ADGRD1: variants seen among roughly 807,000 people sequenced by gnomAD.
The protein encoded by ADGRD1 is adhesion G protein-coupled receptor D1.
ADGRD1 carries 77 observed loss-of-function variants against 113.4 expected under a neutral mutation model. The ratio of observed to expected loss-of-function variants is 0.68; its 90% CI spans 0.57 to 0.82. ADGRD1 has a LOEUF of 0.82. Ranked by LOEUF, ADGRD1 falls within the 40% of genes least tolerant of loss-of-function variation. The pLI is 0.00. For synonymous variants in ADGRD1, 474 were observed against 475.0 expected (o/e 1.00, Z 0.03); for missense variants, 1,036 against 1,139.1 (o/e 0.91, Z 1.30).
In ADGRD1 at chr12:130,984,342, C is replaced by T. The variant is rs764305893; in HGVS notation, c.490+2279C>T. ...TCGTGATGGGGCAGCCGCCCTTCCA[C>T]GCACTGCAGTCAGCACAGAAGCCAC... On this transcript the variant is annotated intron_variant, in intron 5 of 24. Transcript: ENST00000261654. This position sits in a 1 kb window ranked among gnomAD's most constrained non-coding sequence, Gnocchi z 4.1. Among the ~76,000 whole-genome samples, 9 of 152,198 alleles carry T rather than the reference C, an allele frequency of 5.9e-5. No homozygotes were observed. The highest frequency in any genetic ancestry group is 1.4e-4 in the African/African-American group (6 of 41,442).
Position 131,029,671 on chromosome 12 carries a change from C to G in ADGRD1, c.1473+15331C>G, listed in dbSNP as rs77454915. Among the ~76,000 whole-genome samples the G allele has an allele frequency of 9.6e-3, 1,344 of 139,622 alleles. 1 individual carries two copies. The highest frequency in any genetic ancestry group is 0.026 in the African/African-American group (886 of 34,194). The allele number at this position is 139,622 out of a possible 152,430, so 91.6% of individuals were successfully genotyped here. ...GGCTCTGGGGTTAGGTTATGGACCC[C>G]TCGTATGGTGACATTCCCAGGCTCT... On this transcript the variant is annotated intron_variant, in intron 13 of 24. Coordinates refer to ENST00000261654, the MANE Select transcript of ADGRD1 (RefSeq NM_198827.5).
chr12:130,979,814 GTCTCAC>G (rs773152945), intron 4 of ADGRD1, among the ~76,000 whole-genome samples: 1 of 36,030 alleles, frequency 2.8e-5, no homozygotes, highest in Non-Finnish European at 1.1e-4. Flanking sequence ...GGCAGCTAGT[GTCTCAC>G]ACACACACAC....
At chr12:130,986,820 G>A (rs1873746489) in intron 5 of ADGRD1, 1 of 415,976 alleles carries the variant, frequency 2.4e-6, no homozygotes, top group Non-Finnish European at 4.3e-6. Flanking sequence ...CTTGCTTGTG[G>A]GCATTTGAAT....
At chr12:130,961,729 A>G (rs1870382659) in intron 2 of ADGRD1, among the ~76,000 whole-genome samples, 1 of 152,154 alleles carries the variant, frequency 6.6e-6, no homozygotes. Context: ...CTTGAGTTGG[A>G]AAAGGAACCT....
chr12:131,018,443 G>A (rs1327498142), intron 13 of ADGRD1, among the ~76,000 whole-genome samples: 1 of 151,156 alleles, frequency 6.6e-6, no homozygotes, highest in Non-Finnish European at 1.5e-5. Flanking sequence ...CATCCCCGCG[G>A]TTTCCCACCG....
chr12:131,113,321 G>A lies in ADGRD1; in HGVS notation c.2041+4444G>A, dbSNP rs1173286235. On this transcript the variant is annotated intron_variant, in intron 18 of 24. Coordinates refer to ENST00000261654, the MANE Select transcript of ADGRD1 (RefSeq NM_198827.5). The surrounding 1 kb of genome is among the most constrained non-coding windows in gnomAD (Gnocchi z 4.9). ...GGGAGGGGTCTGCTGAGCGACTTGTGCTGTCATTCTAGAAGTCAGCTCCCC... is the reference window on the plus strand; with the variant it reads ...GGGAGGGGTCTGCTGAGCGACTTGTACTGTCATTCTAGAAGTCAGCTCCCC... 6.6e-6 allele frequency among the ~76,000 whole-genome samples: 1 copy of A among 151,798 alleles called. No individual in the cohort carries two copies. Among genetic ancestry groups the A allele is most frequent in the Non-Finnish European group, 1.5e-5 (1 of 68,000 alleles).
In ADGRD1 at chr12:131,084,343, C is replaced by T. The variant is rs1046099012; in HGVS notation, c.1548-197C>T. Among the ~76,000 whole-genome samples the T allele has an allele frequency of 2.0e-5, 3 of 152,182 alleles. No individual in the cohort carries two copies. Among genetic ancestry groups the T allele is most frequent in the Non-Finnish European group, 4.4e-5 (3 of 68,040 alleles). ...GGCCTGACCAGCAGCAGACACTCTC[C>T]AGCTCTCGCCAGCCTGATGGCCAGA... On this transcript the variant is annotated intron_variant, in intron 14 of 24. Coordinates refer to ENST00000261654, the MANE Select transcript of ADGRD1 (RefSeq NM_198827.5). The surrounding 1 kb of genome is among the most constrained non-coding windows in gnomAD (Gnocchi z 4.5).
intron 13 of ADGRD1, among the ~76,000 whole-genome samples, chr12:131,016,619 C>T (rs973013954): frequency 2.0e-5 from 3 of 152,214 alleles, no homozygotes; most frequent in South Asian, 2.1e-4. Context: ...TGTAGCTGGG[C>T]GCAGTGGCTC....
At chr12:130,955,193 G>A (rs1237058794) in intron 2 of ADGRD1, among the ~76,000 whole-genome samples, 1 of 148,492 alleles carries the variant, frequency 6.7e-6, no homozygotes, top group African/African-American at 2.5e-5. Context: ...TCGAACTCCT[G>A]ATTTCAGGTG....
intron 18 of ADGRD1, 66 bp from the exon 19 acceptor site, chr12:131,118,319 G>C: frequency 2.7e-6 from 3 of 1,119,766 alleles, no homozygotes; most frequent in Admixed American, 1.9e-5. Context: ...AGGGAGGGAT[G>C]GGGGAGGCGG....
chr12:131,070,951 G>T (rs1489785058), intron 13 of ADGRD1: 1 of 518,846 alleles, frequency 1.9e-6, no homozygotes, highest in Admixed American at 1.9e-5. Context: ...CCTGAGAAGG[G>T]GCTGTGGGCT....
chr12:131,093,386 C>T (rs1037379725), intron 15 of ADGRD1, among the ~76,000 whole-genome samples: 4 of 152,226 alleles, frequency 2.6e-5, no homozygotes, highest in Non-Finnish European at 4.4e-5. Flanking sequence ...GGGCACACCA[C>T]GCCTTCCTGA....
intron 13 of ADGRD1, among the ~76,000 whole-genome samples, chr12:131,074,953 C>G (rs1291448940): frequency 1.3e-5 from 2 of 152,158 alleles, no homozygotes; most frequent in African/African-American, 4.8e-5. Context: ...AGTGTCAGGA[C>G]TTCCAGAGGC....
intron 13 of ADGRD1, among the ~76,000 whole-genome samples, chr12:131,062,595 T>C (rs1349589137): frequency 6.6e-6 from 1 of 152,174 alleles, no homozygotes; most frequent in Non-Finnish European, 1.5e-5. Context: ...ATACGTCTCT[T>C]GAGATCTGAT....
intron 8 of ADGRD1, among the ~76,000 whole-genome samples, chr12:131,000,100 G>T (rs1011404550): frequency 1.3e-5 from 2 of 152,210 alleles, no homozygotes; most frequent in African/African-American, 4.8e-5. Context: ...TCCCCCAGGC[G>T]CTGTGCTAGG....
At chr12:131,115,211 G>A (rs1950435428) in intron 18 of ADGRD1, among the ~76,000 whole-genome samples, 1 of 152,204 alleles carries the variant, frequency 6.6e-6, no homozygotes, top group Non-Finnish European at 1.5e-5. Flanking sequence ...GGCCCGTGGT[G>A]GTGGACAGTG....
chr12:131,110,562 C>T (rs1950326717), intron 18 of ADGRD1, among the ~76,000 whole-genome samples: 1 of 152,104 alleles, frequency 6.6e-6, no homozygotes, highest in Non-Finnish European at 1.5e-5. Flanking sequence ...ATTTTTGTAA[C>T]TATTTCTTTA....
rs942317160 is a variant in ADGRD1 at position 131,003,900 on chromosome 12, G to A, written c.1145-286G>A. Among the ~76,000 whole-genome samples the A allele has an allele frequency of 2.0e-5, 3 of 152,270 alleles. No individual in the cohort carries two copies. The highest frequency in any genetic ancestry group is 1.9e-4 in the East Asian group (1 of 5,162). On this transcript the variant is annotated intron_variant, in intron 10 of 24. Coordinates refer to ENST00000261654, the MANE Select transcript of ADGRD1 (RefSeq NM_198827.5). The surrounding 1 kb of genome is among the most constrained non-coding windows in gnomAD (Gnocchi z 4.8). ...GCTGAGCACAGCCCATCCTTGCACCGGCCTTGAGAGCTGGGGGCTGTGCTG... is the reference window on the plus strand; with the variant it reads ...GCTGAGCACAGCCCATCCTTGCACCAGCCTTGAGAGCTGGGGGCTGTGCTG...
chr12:131,123,039 G>GTTTTTTTTTTTTTTTTTTTTTTT (rs552353187), intron 20 of ADGRD1, among the ~76,000 whole-genome samples: 11 of 51,334 alleles, frequency 2.1e-4, no homozygotes, highest in Non-Finnish European at 2.9e-4. Flanking sequence ...TACCTGGGGA[G>GTTTTTTTTTTTTTTTTTTTTTTT]TTTTTTTTTT....
Sources: gnomAD v4.1 joint callset for allele counts (sites outside exome capture counted in the v4.1 genomes callset) on GRCh38, gnomAD v4.1.1 for gene constraint, Gnocchi (gnomAD v3.1) non-coding constraint, MANE v1.5 for transcripts, NCBI Gene and HGNC (gene_info 2026-07-23, HGNC 2026-07-21) for gene names.